The following LNX1 variants were observed in gnomAD, a reference collection of about 807,000 sequenced individuals.
LNX1 encodes ligand of numb-protein X 1, also known as E3 ubiquitin-protein ligase LNX.
In LNX1, 54 loss-of-function variants were observed where a neutral mutation model predicts 68.4. The observed-to-expected ratio is 0.79, with a 90% confidence interval of 0.63 to 0.99. The LOEUF is 0.99. Among genes scored for constraint, LNX1 ranks in the 50% least tolerant of loss-of-function variants. LNX1 has a pLI of 0.00. For missense variants in LNX1, 906 were observed against 926.4 expected, an observed-to-expected ratio of 0.98 and a Z score of 0.29; for synonymous variants, 336 against 350.0, an observed-to-expected ratio of 0.96 and a Z score of 0.45.
intron 6 of LNX1, among the ~76,000 whole-genome samples, chr4:53,491,864 C>T (rs1301586804): frequency 7.1e-6 from 1 of 140,584 alleles, no homozygotes; most frequent in Non-Finnish European, 1.5e-5. Context: ...ATGGCGCGAT[C>T]TTGGCTCACT....
chr4:53,651,743 G>A (rs1735107508), intron 1 of LNX1, among the ~76,000 whole-genome samples: 1 of 152,168 alleles, frequency 6.6e-6, no homozygotes, highest in Non-Finnish European at 1.5e-5. Context: ...TACTCCTACT[G>A]TGGAATGAAA....
At chr4:53,520,217 C>T (rs1420196248) in intron 2 of LNX1, among the ~76,000 whole-genome samples, 2 of 152,188 alleles carry the variant, frequency 1.3e-5, no homozygotes, top group South Asian at 2.1e-4. Context: ...CGGGTCCAAA[C>T]CTTATGCAGT....
intron 4 of LNX1, chr4:53,500,234 G>A (rs1725374592): frequency 6.6e-6 from 1 of 152,168 alleles, no homozygotes; most frequent in Non-Finnish European, 1.5e-5. Context: ...ATGGACCTAT[G>A]AGCCAGCAGC....
chr4:53,619,046 C>T (rs548267946), upstream of LNX1, among the ~76,000 whole-genome samples: 4 of 152,232 alleles, frequency 2.6e-5, no homozygotes, highest in African/African-American at 9.6e-5. Flanking sequence ...CCACTGCACT[C>T]GACCTCACTT....
chr4:53,527,221 G>A (rs371392337), intron 2 of LNX1, among the ~76,000 whole-genome samples: 1 of 152,152 alleles, frequency 6.6e-6, no homozygotes, highest in African/African-American at 2.4e-5. Context: ...GAATTTCAAT[G>A]AACAGATATT....
upstream of LNX1, among the ~76,000 whole-genome samples, chr4:53,619,341 C>A (rs1733785772): frequency 3.3e-5 from 5 of 152,148 alleles, 1 homozygote; most frequent in South Asian, 1.0e-3. Flanking sequence ...ATCAGTCATA[C>A]CCCATTCCCT....
At chr4:53,502,932 A>G (rs916528234) in intron 4 of LNX1, among the ~76,000 whole-genome samples, 5 of 53,232 alleles carry the variant, frequency 9.4e-5, no homozygotes, top group Non-Finnish European at 1.8e-4. Flanking sequence ...ATTTGGTCAT[A>G]TCTTTTTTTT....
At chr4:53,477,841 C>A (rs1319518388) in intron 8 of LNX1, among the ~76,000 whole-genome samples, 7 of 152,130 alleles carry the variant, frequency 4.6e-5, no homozygotes, top group African/African-American at 1.7e-4. Flanking sequence ...ATCTTTCAGA[C>A]AGCTGACTAA....
At chr4:53,556,871 A>G (rs1729949808) in intron 2 of LNX1, among the ~76,000 whole-genome samples, 1 of 152,210 alleles carries the variant, frequency 6.6e-6, no homozygotes, top group Admixed American at 6.5e-5. Context: ...TGACCAGACA[A>G]GCTTTTCTGA....
rs1560604670 is a variant in LNX1, at chr4:53,461,485, G to T, written c.2001C>A (p.Phe667Leu). The T allele has an allele frequency of 6.2e-7, 1 of 1,612,206 alleles. No individual in the cohort carries two copies. The highest frequency in any genetic ancestry group is 8.5e-7 in the Non-Finnish European group (1 of 1,178,846). ...YEEYNGNKPF[F>L]IKSIVEGTPA... ...GTGTTCCTTCAACAATGGATTTGAT[G>T]AAAAAAGGTTTGTTTCCATTGTATT... Residue 667 changes from phenylalanine (F) to leucine (L), a missense_variant, in exon 10 of 11, where the codon TTC (phenylalanine) becomes TTA (leucine). Transcript: ENST00000263925.
At chr4:53,503,925 G>C (rs1424430788) in intron 4 of LNX1, among the ~76,000 whole-genome samples, 2 of 152,216 alleles carry the variant, frequency 1.3e-5, no homozygotes, top group Non-Finnish European at 2.9e-5. Context: ...CCTGCGGTCA[G>C]GAGTTCAAGA....
intron 1 of LNX1, among the ~76,000 whole-genome samples, chr4:53,641,843 G>T (rs1375972335): frequency 6.6e-6 from 1 of 152,162 alleles, no homozygotes; most frequent in Non-Finnish European, 1.5e-5. Flanking sequence ...TATTCATATT[G>T]TAGGTATCAA....
chr4:53,604,162 A>C (rs953630893), intron 2 of LNX1: 1 of 152,078 alleles, frequency 6.6e-6, no homozygotes, highest in Admixed American at 6.5e-5. Flanking sequence ...AAGTTGCCAA[A>C]CTGCTGATTT....
chr4:53,629,767 G>A (rs1211001475), intron 1 of LNX1, among the ~76,000 whole-genome samples: 1 of 152,182 alleles, frequency 6.6e-6, no homozygotes, highest in Non-Finnish European at 1.5e-5. Flanking sequence ...ATGTCACCTG[G>A]AAAATGTGGA....
rs1032651532 is a variant in LNX1, at chr4:53,500,136, C to T, written c.776-1293G>A. The T allele has an allele frequency of 1.7e-4, 26 of 152,206 alleles. 3 individuals carry two copies. The highest frequency in any genetic ancestry group is 1.4e-3 in the Admixed American group (22 of 15,282). The allele number at this position is 152,206 out of a possible 1,614,324, so 9.4% of individuals were successfully genotyped here. A position where few individuals can be genotyped will look rare whatever the true frequency, so the allele number is the denominator to read the frequency against. On this transcript the variant is annotated intron_variant, in intron 4 of 10. Transcript: ENST00000263925. ...GTGGTCCTGAGAGCCAGGTCAGAAC[C>T]CAGAGTTCTTGTGACCGGTACTCTC...
At chr4:53,558,078 C>A (rs1349591027) in intron 2 of LNX1, 63 of 1,517,254 alleles carry the variant, frequency 4.2e-5, no homozygotes, top group Non-Finnish European at 5.4e-5. Flanking sequence ...CAGTAGATCA[C>A]AAAGAATTTG....
intron 7 of LNX1, 41 bp from the exon 8 acceptor site, chr4:53,478,783 A>G: frequency 6.4e-7 from 1 of 1,561,944 alleles, no homozygotes; most frequent in Non-Finnish European, 8.7e-7. Context: ...TGAATTCACA[A>G]CTCTGGTAGT....
At chr4:53,465,766 G>T (rs1321157328) in intron 9 of LNX1, among the ~76,000 whole-genome samples, 2 of 152,098 alleles carry the variant, frequency 1.3e-5, no homozygotes, top group African/African-American at 4.8e-5. Context: ...AGCTTTTTTT[G>T]AAGTTGGTTT....
chr4:53,613,351 T>C (rs1322267991), intron 2 of LNX1, among the ~76,000 whole-genome samples: 1 of 152,142 alleles, frequency 6.6e-6, no homozygotes, highest in Non-Finnish European at 1.5e-5. Context: ...CAGGAATTTT[T>C]TTTTTTTAAC....
Sources: allele counts gnomAD v4.1 joint callset (sites outside exome capture counted in the v4.1 genomes callset), GRCh38; gene constraint gnomAD v4.1.1; transcripts MANE v1.5; gene names NCBI Gene and HGNC (gene_info 2026-07-23, HGNC 2026-07-21).